PPM1E: variants seen among roughly 807,000 people sequenced by gnomAD.
The protein encoded by PPM1E is protein phosphatase 1E.
A neutral mutation model predicts 65.9 loss-of-function variants in PPM1E; 20 were observed. That is an observed-to-expected ratio of 0.30 (90% CI 0.21 to 0.44). The LOEUF is 0.44. Ranked by LOEUF, PPM1E falls within the 20% of genes least tolerant of loss-of-function variation. The probability of loss-of-function intolerance (pLI) is 1.00; values close to 1 mark genes in which losing one functional copy is unlikely to be tolerated. For synonymous variants in PPM1E, 352 were observed against 374.9 expected (o/e 0.94, Z 0.70); for missense variants, 713 against 953.1 (o/e 0.75, Z 3.32).
intron 1 of PPM1E, among the ~76,000 whole-genome samples, chr17:58,915,520 C>T (rs112698583): frequency 0.073 from 11,161 of 152,180 alleles, 922 homozygotes; most frequent in African/African-American, 0.2. Flanking sequence ...GAGAATGCAG[C>T]CCAGTAGGTC....
chr17:58,902,604 A>G (rs2051511244), intron 1 of PPM1E, among the ~76,000 whole-genome samples: 1 of 152,126 alleles, frequency 6.6e-6, no homozygotes, highest in Non-Finnish European at 1.5e-5. Context: ...GACTCCTTTA[A>G]TGTTTTGTTT....
intron 1 of PPM1E, among the ~76,000 whole-genome samples, chr17:58,830,295 A>G (rs182906411): frequency 1.5e-3 from 124 of 81,494 alleles, no homozygotes; most frequent in South Asian, 3.9e-3. Flanking sequence ...TGTTGTTGTT[A>G]TTATTATTAT....
chr17:58,961,490 T>C (rs753456541), intron 2 of PPM1E, among the ~76,000 whole-genome samples: 45 of 152,298 alleles, frequency 3.0e-4, no homozygotes, highest in Non-Finnish European at 4.7e-4. Context: ...ACTCAGTAAA[T>C]GTTATTTATT....
At chr17:58,969,762 G>A (rs761320131) in intron 4 of PPM1E, 35 bp downstream of exon 4, 1 of 1,595,374 alleles carries the variant, frequency 6.3e-7, no homozygotes, top group Admixed American at 1.7e-5. Flanking sequence ...AGCTAGAAAT[G>A]TACTAGCTGA....
At chr17:58,855,251 A>G (rs1387580261) in intron 1 of PPM1E, among the ~76,000 whole-genome samples, 1 of 152,200 alleles carries the variant, frequency 6.6e-6, no homozygotes, top group Non-Finnish European at 1.5e-5. Flanking sequence ...TTAACTAAAT[A>G]GGATCTAACC....
intron 1 of PPM1E, among the ~76,000 whole-genome samples, chr17:58,875,493 T>C (rs762125869): frequency 6.6e-6 from 1 of 152,208 alleles, no homozygotes; most frequent in East Asian, 1.9e-4. Context: ...ATATATACTA[T>C]ACTTGTCAAT....
intron 1 of PPM1E, among the ~76,000 whole-genome samples, chr17:58,869,208 T>G (rs2051041785): frequency 6.6e-6 from 1 of 152,210 alleles, no homozygotes; most frequent in Non-Finnish European, 1.5e-5. Context: ...ATCATTTTGG[T>G]GGTTAGTATA....
chr17:58,981,073 A>G lies in PPM1E; in HGVS notation c.*42A>G. 2 of 1,364,356 alleles carry G rather than the reference A, an allele frequency of 1.5e-6. No homozygotes were observed. The highest frequency in any genetic ancestry group is 2.2e-5 in the Admixed American group (1 of 46,118). The allele number at this position is 1,364,356 out of a possible 1,614,324, so 84.5% of individuals were successfully genotyped here. On this transcript the variant is annotated 3_prime_UTR_variant, in exon 7 of 7. Coordinates refer to ENST00000308249, the MANE Select transcript of PPM1E (RefSeq NM_014906.5). The stretch of plus-strand genomic sequence containing the variant: ...GTTAGCTAGCTCTCCCCCAATAAAA[A>G]TACCACTATCAGAGTAGAAACAAGG...
Position 58,825,863 on chromosome 17 carries a change from C to T in PPM1E, c.464+69402C>T, listed in dbSNP as rs117039318. Among the ~76,000 whole-genome samples, 1,059 of 152,226 alleles carry T rather than the reference C, an allele frequency of 7.0e-3. 18 individuals are homozygous for T. Among genetic ancestry groups the T allele is most frequent in the South Asian group, 0.021 (103 of 4,828 alleles). On this transcript the variant is annotated intron_variant, in intron 1 of 6. Transcript: ENST00000308249. ...GGGATTACAGGCATGAGCCACCGCA[C>T]GCAGCCCCATTCTCTACCTTATTCT...
chr17:58,811,380 A>G (rs2050366499), intron 1 of PPM1E, among the ~76,000 whole-genome samples: 1 of 152,116 alleles, frequency 6.6e-6, no homozygotes, highest in South Asian at 2.1e-4. Flanking sequence ...ATAAAATAGG[A>G]CTCTGCCTTT....
intron 1 of PPM1E, among the ~76,000 whole-genome samples, chr17:58,818,897 G>A (rs1057157874): frequency 1.3e-4 from 20 of 152,160 alleles, no homozygotes; most frequent in African/African-American, 4.8e-4. Flanking sequence ...AACTAAGTCA[G>A]GAAGCTAAGG....
intron 1 of PPM1E, among the ~76,000 whole-genome samples, chr17:58,928,418 G>T (rs1355894550): frequency 2.6e-5 from 4 of 151,790 alleles, no homozygotes; most frequent in Non-Finnish European, 5.9e-5. Flanking sequence ...CTTAGAGAAG[G>T]TATTTGGTTA....
At chr17:58,817,628 A>T (rs1344989709) in intron 1 of PPM1E, among the ~76,000 whole-genome samples, 2 of 152,204 alleles carry the variant, frequency 1.3e-5, no homozygotes, top group African/African-American at 2.4e-5. Flanking sequence ...TAAATAAATC[A>T]TGTTACTTCT....
chr17:58,907,660 T>G (rs1017188096), intron 1 of PPM1E, among the ~76,000 whole-genome samples: 2 of 152,196 alleles, frequency 1.3e-5, no homozygotes, highest in Admixed American at 1.3e-4. Flanking sequence ...CTCACGTATT[T>G]TGATGCACTC....
intron 1 of PPM1E, among the ~76,000 whole-genome samples, chr17:58,820,797 TAAATA>T (rs963639297): frequency 6.6e-6 from 1 of 152,084 alleles, no homozygotes; most frequent in African/African-American, 2.4e-5. Context: ...AATTATATCA[TAAATA>T]AAATAAATTA....
chr17:58,950,913 G>A (rs575258074), intron 1 of PPM1E, among the ~76,000 whole-genome samples: 1 of 151,696 alleles, frequency 6.6e-6, no homozygotes, highest in East Asian at 1.9e-4. Context: ...CCAGTAGCTG[G>A]GACTACAGGC....
chr17:58,765,331 C>T (rs979861385), intron 1 of PPM1E, among the ~76,000 whole-genome samples: 5 of 151,958 alleles, frequency 3.3e-5, no homozygotes, highest in Non-Finnish European at 7.4e-5. Context: ...GCACGCATCA[C>T]CATGCCCAGC....
intron 2 of PPM1E, among the ~76,000 whole-genome samples, chr17:58,961,627 A>G (rs750129747): frequency 1.3e-5 from 2 of 152,166 alleles, no homozygotes; most frequent in Non-Finnish European, 2.9e-5. Flanking sequence ...GGAAACTGAT[A>G]TTACTTCCTC....
intron 1 of PPM1E, among the ~76,000 whole-genome samples, chr17:58,773,979 T>A (rs550026305): frequency 6.6e-6 from 1 of 152,176 alleles, no homozygotes; most frequent in African/African-American, 2.4e-5. Context: ...CTGGCCAACA[T>A]GGTGAAACCC....
Sources: allele counts gnomAD v4.1 joint callset (sites outside exome capture counted in the v4.1 genomes callset), GRCh38; gene constraint gnomAD v4.1.1; transcripts MANE v1.5; gene names NCBI Gene and HGNC (gene_info 2026-07-23, HGNC 2026-07-21).